Variants in OPHN1 observed in about 807,000 individuals in gnomAD.
OPHN1 encodes oligophrenin-1.
A neutral mutation model predicts 60.7 loss-of-function variants in OPHN1; 11 were observed. That is an observed-to-expected ratio of 0.18 (90% confidence interval 0.11 to 0.30). The LOEUF (loss-of-function observed/expected upper bound fraction) is 0.30. Ranked by LOEUF, OPHN1 falls within the 10% of genes least tolerant of loss-of-function variation. The pLI, the probability that OPHN1 is intolerant of heterozygous loss-of-function variation, is 1.00. For missense variants in OPHN1, 449 were observed against 611.0 expected (o/e 0.73, Z 2.80); for synonymous variants, 226 against 222.6 (o/e 1.02, Z -0.14).
At chrX:68,071,125 A>G in intron 20 of OPHN1, 23 of 941,943 alleles carry the variant, frequency 2.4e-5, no homozygotes, top group Non-Finnish European at 3.5e-5. Flanking sequence ...CTTGTCTGCA[A>G]ATTTAGCTCC....
intron 19 of OPHN1, among the ~76,000 whole-genome samples, chrX:68,080,235 T>C (rs1419714446): frequency 8.9e-6 from 1 of 112,402 alleles, no homozygotes; most frequent in Admixed American, 9.4e-5. Flanking sequence ...ACTATTCCCC[T>C]ACATTCACCC....
intron 18 of OPHN1, among the ~76,000 whole-genome samples, chrX:68,101,509 G>A (rs373480234): frequency 1.8e-5 from 2 of 112,168 alleles, no homozygotes; most frequent in African/African-American, 6.5e-5. Context: ...CATGTATAAC[G>A]TATTAGTTAT....
intron 18 of OPHN1, among the ~76,000 whole-genome samples, chrX:68,097,789 C>A (rs1426269690): frequency 9.0e-6 from 1 of 111,126 alleles, no homozygotes; most frequent in African/African-American, 3.3e-5. Context: ...GGGTTTGAAT[C>A]CCAACACGGC....
At chrX:68,222,423 T>A (rs1400575584) in intron 6 of OPHN1, among the ~76,000 whole-genome samples, 1 of 107,659 alleles carries the variant, frequency 9.3e-6, no homozygotes, top group Admixed American at 1.0e-4. Context: ...GTCATCCCAT[T>A]ACTGGGTATA....
intron 6 of OPHN1, among the ~76,000 whole-genome samples, chrX:68,217,827 GA>G (rs917401361): frequency 1.5e-5 from 1 of 64,567 alleles, no homozygotes; most frequent in Non-Finnish European, 4.0e-5. Context: ...CAAAGATGGG[GA>G]AAAAACAGAA....
intron 3 of OPHN1, among the ~76,000 whole-genome samples, chrX:68,297,374 T>C (rs1283450698): frequency 9.0e-6 from 1 of 111,506 alleles, no homozygotes; most frequent in African/African-American, 3.3e-5. Context: ...CTTGGGTTAC[T>C]TGATTCCAGA....
intron 2 of OPHN1, among the ~76,000 whole-genome samples, chrX:68,428,458 C>CATATGT (rs2078870167): frequency 9.0e-6 from 1 of 111,334 alleles, no homozygotes; most frequent in African/African-American, 3.3e-5. Context: ...TTATGGCTCT[C>CATATGT]ATCTGTATCT....
Position 68,203,850 on chromosome X carries a change from T to C in OPHN1, c.934-2140A>G, listed in dbSNP as rs183241310. On this transcript the variant is annotated intron_variant, in intron 10 of 24. Transcript: ENST00000355520. ...CTCTTACTTATTCTGCAAACTGCAG[T>C]TCAGCTTCCACTTCCTCAAAAATCC... Among the ~76,000 whole-genome samples, 490 of 112,939 alleles carry C rather than the reference T, an allele frequency of 4.3e-3. 5 individuals carry two copies. Among genetic ancestry groups the C allele is most frequent in the African/African-American group, 0.015 (468 of 31,147 alleles).
In OPHN1 at chrX:68,046,702, T is replaced by C. The variant is rs1840570121; in HGVS notation, c.*470A>G. On this transcript the variant is annotated 3_prime_UTR_variant, in exon 25 of 25. Coordinates refer to ENST00000355520, the MANE Select transcript of OPHN1 (RefSeq NM_002547.3). Reference sequence around the variant, plus strand: ...CTCCAATGTTCAGCAAACATTTCTATTCCCTTCCAACCAAGGTAAGCAATG... The same window carrying C: ...CTCCAATGTTCAGCAAACATTTCTACTCCCTTCCAACCAAGGTAAGCAATG... 8.9e-6 allele frequency: 1 copy of C among 112,001 alleles called. No individual in the cohort carries two copies. The highest frequency in any genetic ancestry group is 1.9e-5 in the Non-Finnish European group (1 of 53,220). 9.2% of individuals were successfully genotyped at this position (112,001 alleles called of 1,213,427 possible).
At chrX:68,287,868 C>T (rs1316825850) in intron 3 of OPHN1, among the ~76,000 whole-genome samples, 1 of 112,094 alleles carries the variant, frequency 8.9e-6, no homozygotes, top group Non-Finnish European at 1.9e-5. Flanking sequence ...GTTTTTGCTG[C>T]TTTTATGAAA....
At chrX:68,050,544 C>A (rs1387055491) in intron 23 of OPHN1, among the ~76,000 whole-genome samples, 1 of 111,833 alleles carries the variant, frequency 8.9e-6, no homozygotes, top group Non-Finnish European at 1.9e-5. Flanking sequence ...TCTTGTAAGT[C>A]TACCTGCCTT....
At chrX:68,201,169 T>C (rs2077533607) in intron 11 of OPHN1, among the ~76,000 whole-genome samples, 1 of 111,351 alleles carries the variant, frequency 9.0e-6, no homozygotes, top group African/African-American at 3.3e-5. Context: ...TTGCACCAAA[T>C]GGGGGGAAAT....
At chrX:68,121,393 G>A (rs1029180699) in intron 15 of OPHN1, among the ~76,000 whole-genome samples, 1 of 111,986 alleles carries the variant, frequency 8.9e-6, no homozygotes, top group Admixed American at 9.5e-5. Flanking sequence ...CAGAAAGAGA[G>A]AGTGCAGCAA....
chrX:68,279,093 C>G (rs1279904579), intron 4 of OPHN1, among the ~76,000 whole-genome samples: 3 of 96,338 alleles, frequency 3.1e-5, no homozygotes, highest in Non-Finnish European at 6.2e-5. Context: ...TCAAGGCCCT[C>G]CCCCGCTCTT....
intron 2 of OPHN1, among the ~76,000 whole-genome samples, chrX:68,428,319 C>T (rs767850519): frequency 8.9e-6 from 1 of 112,044 alleles, no homozygotes; most frequent in African/African-American, 3.2e-5. Context: ...AACAGCTAAA[C>T]AAGTGATAGT....
chrX:68,153,187 G>T (rs1319155006), intron 15 of OPHN1, among the ~76,000 whole-genome samples: 3 of 103,171 alleles, frequency 2.9e-5, no homozygotes, highest in Non-Finnish European at 5.9e-5. Context: ...CTCCAGCCTG[G>T]GTGACAGAGC....
At chrX:68,288,746 A>G (rs1423660027) in intron 3 of OPHN1, among the ~76,000 whole-genome samples, 1 of 111,384 alleles carries the variant, frequency 9.0e-6, no homozygotes, top group African/African-American at 3.3e-5. Context: ...CCTGGGGGAC[A>G]AGAGTGAAAC....
chrX:68,245,483 A>C (rs1197277299), intron 5 of OPHN1, among the ~76,000 whole-genome samples: 1 of 112,140 alleles, frequency 8.9e-6, no homozygotes, highest in East Asian at 2.8e-4. Flanking sequence ...TTCTTTCAAG[A>C]GTGGAGTCTA....
At chrX:68,183,693 C>A (rs763824643) in intron 15 of OPHN1, among the ~76,000 whole-genome samples, 147 of 112,012 alleles carry the variant, frequency 1.3e-3, no homozygotes, top group African/African-American at 4.7e-3. Flanking sequence ...AATTACTATT[C>A]TTTGTTGAAG....
Sources: allele counts gnomAD v4.1 joint callset (sites outside exome capture counted in the v4.1 genomes callset), GRCh38; gene constraint gnomAD v4.1.1; transcripts MANE v1.5; gene names NCBI Gene and HGNC (gene_info 2026-07-23, HGNC 2026-07-21).